The following BASP1 variants were observed in gnomAD, a reference collection of about 807,000 sequenced individuals.
The protein encoded by BASP1 is brain abundant membrane attached signal protein 1.
BASP1 carries 1 observed loss-of-function variant against 2.2 expected under a neutral mutation model. The ratio of observed to expected loss-of-function variants is 0.46; its 90% CI spans 0.16 to 2.17. The LOEUF is 2.17. BASP1 is among the 30% of genes most tolerant of loss of function. BASP1 has a pLI of 0.27. For missense variants in BASP1, 352 were observed against 327.2 expected, an observed-to-expected ratio of 1.08 and a Z score of -0.58; for synonymous variants, 187 against 154.2, an observed-to-expected ratio of 1.21 and a Z score of -1.58.
At chr5:17,259,759 C>T (rs1740280913) in intron 1 of BASP1, among the ~76,000 whole-genome samples, 1 of 152,170 alleles carries the variant, frequency 6.6e-6, no homozygotes, top group Non-Finnish European at 1.5e-5. Flanking sequence ...CCCTCTTCTC[C>T]CTAATCACCA....
rs752443305 is a variant in BASP1, at chr5:17,275,802, A to T, written c.586A>T (p.Thr196Ser). 3 of 1,612,622 alleles carry T rather than the reference A, an allele frequency of 1.9e-6. No homozygotes were observed. Among genetic ancestry groups the T allele is most frequent in the African/African-American group, 2.7e-5 (2 of 74,830 alleles). The change falls in exon 2 of 2, where the codon ACA (threonine) becomes TCA (serine). Residue 196 changes from threonine to serine, a missense_variant. By Grantham distance (58) the Thr-to-Ser change is moderately conservative. Coordinates refer to ENST00000322611, the MANE Select transcript of BASP1 (RefSeq NM_006317.5). This position sits in a 1 kb window ranked among gnomAD's most constrained non-coding sequence, Gnocchi z 5.3. ...CGCAGCCACGGAAGCGCCTAGTTCC[A>T]CACCCAAGGCCCAGGGCCCCGCAGC... ...TPAATEAPSS[T>S]PKAQGPAASA...
At chr5:17,219,850 G>A (rs373803632) in intron 1 of BASP1, among the ~76,000 whole-genome samples, 4 of 152,160 alleles carry the variant, frequency 2.6e-5, no homozygotes, top group South Asian at 4.1e-4. Flanking sequence ...ATCTGATGGG[G>A]GCAGAAAGAA....
At chr5:17,235,656 T>C (rs889325697) in intron 1 of BASP1, among the ~76,000 whole-genome samples, 1 of 152,188 alleles carries the variant, frequency 6.6e-6, no homozygotes, top group Non-Finnish European at 1.5e-5. Flanking sequence ...TTCTCTTGAC[T>C]CCTGAGTTGC....
chr5:17,232,444 C>T (rs369660585), intron 1 of BASP1, among the ~76,000 whole-genome samples: 18 of 152,154 alleles, frequency 1.2e-4, no homozygotes, highest in African/African-American at 3.4e-4. Context: ...GAAGTAAAAA[C>T]GAATTTAGCT....
At chr5:17,223,124 G>A (rs1337332133) in intron 1 of BASP1, among the ~76,000 whole-genome samples, 4 of 151,840 alleles carry the variant, frequency 2.6e-5, no homozygotes, top group Non-Finnish European at 5.9e-5. Flanking sequence ...TTTGTACATT[G>A]TGTAGGGAGT....
intron 1 of BASP1, among the ~76,000 whole-genome samples, chr5:17,245,529 T>A (rs990420308): frequency 2.0e-5 from 3 of 152,160 alleles, no homozygotes. Flanking sequence ...CAATACCACT[T>A]TGTGGTTAAT....
At chr5:17,232,685 G>A (rs925182177) in intron 1 of BASP1, among the ~76,000 whole-genome samples, 3 of 152,182 alleles carry the variant, frequency 2.0e-5, no homozygotes, top group Non-Finnish European at 1.5e-5. Context: ...AGCTTGTAAC[G>A]AACCTTTGGC....
Position 17,275,355 on chromosome 5 carries a change from G to A in BASP1, c.139G>A (p.Glu47Lys), listed in dbSNP as rs1561179608. The A allele has an allele frequency of 6.3e-7, 1 of 1,597,268 alleles. No homozygotes were observed. Among genetic ancestry groups the A allele is most frequent in the Non-Finnish European group, 8.5e-7 (1 of 1,173,068 alleles). The change falls in exon 2 of 2, where the codon GAG becomes AAG. Residue 47 changes from glutamate to lysine, a missense_variant. Physicochemically the swap from Glu to Lys is moderately conservative, Grantham distance 56. Transcript: ENST00000322611. The surrounding 1 kb of genome is among the most constrained non-coding windows in gnomAD (Gnocchi z 5.3). The stretch of plus-strand genomic sequence containing the variant: ...GGAGAGTGAGCCCCAGGCGGCCGCA[G>A]AGCCCGCCGAGGCCAAGGAGGGCAA... ...PKESEPQAAA[E>K]PAEAKEGKEK...
At chr5:17,270,555 G>C (rs1465963847) in intron 1 of BASP1, among the ~76,000 whole-genome samples, 1 of 152,200 alleles carries the variant, frequency 6.6e-6, no homozygotes, top group East Asian at 1.9e-4. Context: ...ACCAGCAGGA[G>C]CATGCATGGA....
intron 1 of BASP1, among the ~76,000 whole-genome samples, chr5:17,237,677 A>G (rs941236539): frequency 1.4e-4 from 20 of 142,996 alleles, no homozygotes; most frequent in Admixed American, 1.3e-3. Context: ...GCTGTAGTGC[A>G]GTGGCTCACT....
At chr5:17,255,694 T>C (rs2937754) in intron 1 of BASP1, among the ~76,000 whole-genome samples, 29,094 of 152,140 alleles carry the variant, frequency 0.19, 3,066 homozygotes, top group East Asian at 0.35. Context: ...GAATCATCAC[T>C]GAGGCAGAGT....
At chr5:17,269,857 C>T (rs188611726) in intron 1 of BASP1, among the ~76,000 whole-genome samples, 147 of 152,238 alleles carry the variant, frequency 9.7e-4, no homozygotes, top group African/African-American at 2.9e-3. Context: ...ACCCTTTACA[C>T]GTGAAATTTG....
At chr5:17,264,014 T>G (rs920448475) in intron 1 of BASP1, among the ~76,000 whole-genome samples, 1 of 152,186 alleles carries the variant, frequency 6.6e-6, no homozygotes, top group Non-Finnish European at 1.5e-5. Context: ...CAATGGAAAT[T>G]GCCACCAGGC....
At chr5:17,246,068 G>A (rs1579491032) in intron 1 of BASP1, among the ~76,000 whole-genome samples, 1 of 152,168 alleles carries the variant, frequency 6.6e-6, no homozygotes, top group Admixed American at 6.5e-5. Flanking sequence ...GGTTTCTCTG[G>A]GGTATTTGGA....
At chr5:17,255,880 A>G (rs980721630) in intron 1 of BASP1, among the ~76,000 whole-genome samples, 3 of 152,210 alleles carry the variant, frequency 2.0e-5, no homozygotes, top group Non-Finnish European at 4.4e-5. Flanking sequence ...TGTCACCAGT[A>G]TATTTCATTT....
At chr5:17,237,942 TGTAGTTCTCA>T (rs1739783932) in intron 1 of BASP1, among the ~76,000 whole-genome samples, 3 of 152,132 alleles carry the variant, frequency 2.0e-5, no homozygotes, top group Admixed American at 2.0e-4. Flanking sequence ...TAAGATTACC[TGTAGTTCTCA>T]GTGTTCGCCA....
chr5:17,219,221 G>A (rs1463344056), intron 1 of BASP1, among the ~76,000 whole-genome samples: 1 of 151,896 alleles, frequency 6.6e-6, no homozygotes, highest in East Asian at 1.9e-4. Context: ...CGCATGCGCC[G>A]GAGAGCAGGG....
intron 1 of BASP1, among the ~76,000 whole-genome samples, chr5:17,228,490 G>A (rs939628576): frequency 1.3e-5 from 2 of 152,158 alleles, no homozygotes; most frequent in African/African-American, 4.8e-5. Flanking sequence ...ACTTAAAAGT[G>A]AATTTAACAA....
chr5:17,240,529 CCT>C (rs1176364294), intron 1 of BASP1: 2 of 151,888 alleles, frequency 1.3e-5, no homozygotes, highest in Admixed American at 6.6e-5. Context: ...GAGTGAGACT[CCT>C]CTCAATAAAA....
Sources: allele counts gnomAD v4.1 joint callset (sites outside exome capture counted in the v4.1 genomes callset), GRCh38; gene constraint gnomAD v4.1.1; non-coding constraint Gnocchi (gnomAD v3.1); transcripts MANE v1.5; gene names NCBI Gene and HGNC (gene_info 2026-07-23, HGNC 2026-07-21).